LOC128706666: variants seen among roughly 807,000 people sequenced by gnomAD.
the LOC128706666 span, among the ~76,000 whole-genome samples, chr20:10,418,914 A>G: frequency 5.3e-5 from 8 of 152,132 alleles, no homozygotes; most frequent in African/African-American, 1.9e-4. Flanking sequence ...TCCTATAAAT[A>G]CAAATTTTAT....
the LOC128706666 span, among the ~76,000 whole-genome samples, chr20:10,430,031 CAA>C: frequency 1.7e-5 from 2 of 114,312 alleles, no homozygotes; most frequent in East Asian, 4.2e-4. Flanking sequence ...TCTTGCAAAA[CAA>C]AAAACAAAAA....
At chr20:10,415,086 G>T in the LOC128706666 span, among the ~76,000 whole-genome samples, 2 of 152,114 alleles carry the variant, frequency 1.3e-5, no homozygotes, top group Non-Finnish European at 2.9e-5. Flanking sequence ...CCTTAACAAG[G>T]TAGTGTCCTT....
the LOC128706666 span, among the ~76,000 whole-genome samples, chr20:10,431,518 T>C: frequency 7.0e-6 from 1 of 143,834 alleles, no homozygotes; most frequent in Non-Finnish European, 1.5e-5. Flanking sequence ...CAATGCTGTA[T>C]AGGGTCAAAA....
the LOC128706666 span, among the ~76,000 whole-genome samples, chr20:10,416,938 G>C: frequency 7.0e-3 from 1,072 of 152,266 alleles, 6 homozygotes; most frequent in Admixed American, 0.013. Flanking sequence ...GACACTATAT[G>C]ATCTGCAAAG....
chr20:10,430,430 G>A, the LOC128706666 span, among the ~76,000 whole-genome samples: 7 of 150,766 alleles, frequency 4.6e-5, no homozygotes, highest in Non-Finnish European at 7.4e-5. Flanking sequence ...ACTTTGTCTG[G>A]GCTCAGTAAT....
the LOC128706666 span, among the ~76,000 whole-genome samples, chr20:10,422,836 C>T: frequency 1.1e-4 from 17 of 151,792 alleles, no homozygotes; most frequent in Admixed American, 4.6e-4. Context: ...CTCAGCCTCC[C>T]GAGTAGCTGG....
At chr20:10,428,182 G>A in the LOC128706666 span, among the ~76,000 whole-genome samples, 1 of 152,204 alleles carries the variant, frequency 6.6e-6, no homozygotes, top group Non-Finnish European at 1.5e-5. Flanking sequence ...TTATCACAAT[G>A]GTTGTAGTGG....
At chr20:10,433,804 A>G in the LOC128706666 span, among the ~76,000 whole-genome samples, 1 of 152,118 alleles carries the variant, frequency 6.6e-6, no homozygotes, top group African/African-American at 2.4e-5. Context: ...TTCGGCGTAG[A>G]AGGCGGCAGC....
chr20:10,419,897 G>A, the LOC128706666 span, among the ~76,000 whole-genome samples: 4 of 152,180 alleles, frequency 2.6e-5, no homozygotes. Context: ...TTGACTGCAG[G>A]TAACTGAAAC....
At chr20:10,427,931 T>G in the LOC128706666 span, among the ~76,000 whole-genome samples, 2 of 152,252 alleles carry the variant, frequency 1.3e-5, no homozygotes, top group African/African-American at 4.8e-5. Flanking sequence ...GCTAACAGCG[T>G]AACTGAGTCA....
the LOC128706666 span, among the ~76,000 whole-genome samples, chr20:10,430,460 G>C: frequency 9.2e-5 from 14 of 152,166 alleles, no homozygotes; most frequent in African/African-American, 2.9e-4. Flanking sequence ...TTATTATTTT[G>C]ATTATGTCAA....
the LOC128706666 span, among the ~76,000 whole-genome samples, chr20:10,414,139 T>C: frequency 6.6e-6 from 1 of 152,202 alleles, no homozygotes; most frequent in African/African-American, 2.4e-5. Context: ...GAAAAAGTGC[T>C]TGTATTTCAG....
the LOC128706666 span, among the ~76,000 whole-genome samples, chr20:10,429,259 T>C: frequency 6.6e-6 from 1 of 152,210 alleles, no homozygotes; most frequent in African/African-American, 2.4e-5. Context: ...CCTTTTGATG[T>C]GTTCTTGAGA....
the LOC128706666 span, among the ~76,000 whole-genome samples, chr20:10,427,295 GCTGGC>G: frequency 6.6e-6 from 1 of 152,152 alleles, no homozygotes; most frequent in African/African-American, 2.4e-5. Context: ...GGCGCCATCT[GCTGGC>G]CTTTTGGACA....
the LOC128706666 span, among the ~76,000 whole-genome samples, chr20:10,428,901 A>AT: frequency 6.6e-6 from 1 of 152,090 alleles, no homozygotes; most frequent in Admixed American, 6.5e-5. Context: ...TGGTATTCCT[A>AT]TTACCTGTGT....
chr20:10,420,200 A>C, the LOC128706666 span, among the ~76,000 whole-genome samples: 1 of 152,186 alleles, frequency 6.6e-6, no homozygotes, highest in Non-Finnish European at 1.5e-5. Context: ...CTAATAGAAG[A>C]AAATAATCTT....
the LOC128706666 span, among the ~76,000 whole-genome samples, chr20:10,426,821 A>T: frequency 6.6e-6 from 1 of 152,234 alleles, no homozygotes; most frequent in African/African-American, 2.4e-5. Context: ...ATTAGAGGGC[A>T]AAAGAGTCTA....
At chr20:10,417,950 A>G in the LOC128706666 span, among the ~76,000 whole-genome samples, 5 of 152,192 alleles carry the variant, frequency 3.3e-5, no homozygotes, top group Admixed American at 1.3e-4. Context: ...GGGAATTGAA[A>G]AGAGATATTA....
the LOC128706666 span, among the ~76,000 whole-genome samples, chr20:10,426,382 G>T: frequency 3.7e-4 from 56 of 152,088 alleles, no homozygotes; most frequent in Non-Finnish European, 2.6e-4. Context: ...AGGTCAACTA[G>T]CTTGGGGCAT....
Sources: allele counts gnomAD v4.1 joint callset (sites outside exome capture counted in the v4.1 genomes callset), GRCh38; gene constraint gnomAD v4.1.1; transcripts MANE v1.5.